DOCK4: variants seen among roughly 807,000 people sequenced by gnomAD.
DOCK4 encodes dedicator of cytokinesis protein 4.
Under a neutral mutation model 268.1 loss-of-function variants are expected in DOCK4, and 97 were observed. The observed-to-expected ratio is 0.36, with a 90% CI of 0.31 to 0.43. The LOEUF is 0.43. Among genes scored for constraint, DOCK4 ranks in the 20% least tolerant of loss-of-function variants. The pLI is 1.00. For synonymous variants in DOCK4, 954 were observed against 887.2 expected (o/e 1.08, Z -1.34); for missense variants, 2,145 against 2,455.7 (o/e 0.87, Z 2.67).
At chr7:112,154,738 A>G (rs893812017) in intron 1 of DOCK4, among the ~76,000 whole-genome samples, 2 of 152,192 alleles carry the variant, frequency 1.3e-5, no homozygotes, top group Non-Finnish European at 2.9e-5. Context: ...AGCCCATGGC[A>G]TCAAGACTTC....
At position 111,945,819 on chromosome 7, in the gene DOCK4, A is replaced by G. The variant is rs146502651; in HGVS notation, c.702-21T>C. ...TCTCACTACAAGAGAAAAAATGTTT[A>G]ACAATTTGAAAATTATTTAATAGTT... On this transcript the variant is annotated intron_variant, in intron 8 of 52. Transcript: ENST00000428084. The G allele has an allele frequency of 7.1e-4, 1,085 of 1,538,064 alleles. 11 individuals carry two copies. The African/African-American group carries it at 0.013, about 18-fold the overall frequency.
In DOCK4 at chr7:111,767,083, A is replaced by G; in HGVS notation, c.3864T>C (p.Ile1288=). ...CATAATAACTCTCATACTGCTCTGC[A>G]ATCTTCCGGCACAAGATAATGCCAT... is the stretch of plus-strand genomic sequence containing the variant. ...WENGIILCRK[I]AEQYESYYDY... The change falls in exon 38 of 53, where the codon ATT becomes ATC. Residue 1288 remains isoleucine (I), a synonymous_variant. Coordinates refer to ENST00000428084, the MANE Select transcript of DOCK4 (RefSeq NM_001363540.2). 3.7e-6 allele frequency: 6 copies of G among 1,613,834 alleles called. No homozygotes were observed. Among genetic ancestry groups the G allele is most frequent in the Non-Finnish European group, 5.1e-6 (6 of 1,179,842 alleles).
intron 26 of DOCK4, among the ~76,000 whole-genome samples, chr7:111,829,093 A>C (rs905613149): frequency 5.9e-5 from 9 of 152,036 alleles, no homozygotes; most frequent in Non-Finnish European, 1.2e-4. Context: ...ATTTCCCATT[A>C]AATATCACCC....
intron 36 of DOCK4, among the ~76,000 whole-genome samples, chr7:111,772,846 C>G (rs1798210262): frequency 6.6e-6 from 1 of 152,094 alleles, no homozygotes; most frequent in Non-Finnish European, 1.5e-5. Flanking sequence ...ATGAAGGTCT[C>G]CAGTCTCCAA....
intron 1 of DOCK4, among the ~76,000 whole-genome samples, chr7:112,101,776 T>A (rs1810700372): frequency 6.6e-6 from 1 of 152,222 alleles, no homozygotes; most frequent in Non-Finnish European, 1.5e-5. Flanking sequence ...ATAGTCTTTT[T>A]TTGCTCGGCC....
intron 35 of DOCK4, 66 bp from the exon 36 acceptor site, chr7:111,778,435 A>G: frequency 9.9e-7 from 1 of 1,012,768 alleles, no homozygotes. Context: ...TCTGCCTTTT[A>G]CTCTGCTAAA....
chr7:112,038,031 A>T (rs1457886310), intron 1 of DOCK4, among the ~76,000 whole-genome samples: 1 of 152,236 alleles, frequency 6.6e-6, no homozygotes, highest in African/African-American at 2.4e-5. Flanking sequence ...TATTAAATGT[A>T]AAGGTTTAAA....
At chr7:112,202,399 T>C (rs914268348) in intron 1 of DOCK4, among the ~76,000 whole-genome samples, 1 of 152,228 alleles carries the variant, frequency 6.6e-6, no homozygotes. Flanking sequence ...TGGGAGGTGA[T>C]ATCCACAGAA....
intron 1 of DOCK4, among the ~76,000 whole-genome samples, chr7:112,129,550 ATATAGTC>A (rs1200022439): frequency 6.6e-6 from 1 of 152,218 alleles, no homozygotes; most frequent in Non-Finnish European, 1.5e-5. Context: ...TGAACAAGCC[ATATAGTC>A]TAACTTAACA....
At position 111,941,264 on chromosome 7, in the gene DOCK4, G is replaced by C. The variant is rs112671270; in HGVS notation, c.845-1022C>G. Reference sequence around the variant, plus strand: ...AGAATTTAAAATATCAGGTTGTCATGACCTGATGCCATATGTATGGCCAAA... The same window carrying C: ...AGAATTTAAAATATCAGGTTGTCATCACCTGATGCCATATGTATGGCCAAA... On this transcript the variant is annotated intron_variant, in intron 10 of 52. Coordinates refer to ENST00000428084, the MANE Select transcript of DOCK4 (RefSeq NM_001363540.2). Among the ~76,000 whole-genome samples, 602 of 152,238 alleles carry C rather than the reference G, an allele frequency of 4.0e-3. 6 individuals carry two copies. Among genetic ancestry groups the C allele is most frequent in the African/African-American group, 0.013 (552 of 41,550 alleles).
At chr7:111,975,423 G>A (rs531638330) in intron 8 of DOCK4, among the ~76,000 whole-genome samples, 87 of 152,234 alleles carry the variant, frequency 5.7e-4, no homozygotes, top group African/African-American at 7.2e-4. Flanking sequence ...TAAACTACCC[G>A]TAAACCAGAC....
At chr7:112,016,784 G>A (rs141024555) in intron 1 of DOCK4, among the ~76,000 whole-genome samples, 197 of 152,222 alleles carry the variant, frequency 1.3e-3, no homozygotes, top group African/African-American at 4.4e-3. Context: ...TATATCAGGT[G>A]AAATTTCAAG....
At chr7:112,120,066 C>G (rs1276671378) in intron 1 of DOCK4, among the ~76,000 whole-genome samples, 3 of 152,128 alleles carry the variant, frequency 2.0e-5, no homozygotes, top group Non-Finnish European at 4.4e-5. Context: ...CCAGGATGGT[C>G]TCGATCTCCT....
At chr7:112,201,169 A>T (rs1820902255) in intron 1 of DOCK4, among the ~76,000 whole-genome samples, 2 of 152,206 alleles carry the variant, frequency 1.3e-5, no homozygotes, top group African/African-American at 4.8e-5. Context: ...CTATGATTAA[A>T]GCATCTTTCT....
intron 26 of DOCK4, among the ~76,000 whole-genome samples, chr7:111,832,156 C>G (rs983246487): frequency 1.3e-5 from 2 of 152,184 alleles, no homozygotes; most frequent in Admixed American, 6.5e-5. Context: ...CTGTGTCAGT[C>G]GGGGCATTCA....
Position 111,916,980 on chromosome 7 carries a change from G to GTTTT in DOCK4, c.1067-1080_1067-1077dup, listed in dbSNP as rs749349556. 8.8e-4 allele frequency among the ~76,000 whole-genome samples: 74 copies of GTTTT among 83,972 alleles called. 2 individuals carry two copies. The highest frequency in any genetic ancestry group is 1.3e-3 in the African/African-American group (25 of 19,258). The allele number at this position is 83,972 out of a possible 152,430, so 55.1% of individuals were successfully genotyped here. A position where few individuals can be genotyped will look rare whatever the true frequency, so the allele number is the denominator to read the frequency against. ...ACCCACCTCCCACCCTTTCCCCCAT[G>GTTTT]TTTTTTTTTTTTTTTTTTTTTTTTT... On this transcript the variant is annotated intron_variant, in intron 12 of 52. Coordinates refer to ENST00000428084, the MANE Select transcript of DOCK4 (RefSeq NM_001363540.2).
At chr7:112,038,892 ACATATTAGAC>A (rs1261864294) in intron 1 of DOCK4, among the ~76,000 whole-genome samples, 1 of 152,214 alleles carries the variant, frequency 6.6e-6, no homozygotes, top group Non-Finnish European at 1.5e-5. Flanking sequence ...TAAAAAGGCA[ACATATTAGAC>A]CAATGTCGCT....
chr7:111,971,714 G>T, intron 8 of DOCK4: 1 of 309,872 alleles, frequency 3.2e-6, no homozygotes, highest in Non-Finnish European at 5.5e-6. Flanking sequence ...GTACTTGTGG[G>T]CCAGCTTATG....
chr7:111,758,678 G>T lies in DOCK4; in HGVS notation c.4275C>A (p.Phe1425Leu). The T allele has an allele frequency of 6.2e-7, 1 of 1,613,964 alleles. No homozygotes were observed. Among genetic ancestry groups the T allele is most frequent in the Non-Finnish European group, 8.5e-7 (1 of 1,179,880 alleles). ...CTTTGTGAAATGGTCGGTCATAGCG[G>T]AATTTCCAGATGTGATTCACTTTAT... The part of the protein sequence containing the change: ...SFYKVNHIWK[F>L]RYDRPFHKGT... Residue 1425 changes from phenylalanine to leucine, a missense_variant, in exon 41 of 53, where the codon TTC (phenylalanine) becomes TTA (leucine). Coordinates refer to ENST00000428084, the MANE Select transcript of DOCK4 (RefSeq NM_001363540.2).
Sources: gnomAD v4.1 joint callset for allele counts (sites outside exome capture counted in the v4.1 genomes callset) on GRCh38, gnomAD v4.1.1 for gene constraint, MANE v1.5 for transcripts, NCBI Gene and HGNC (gene_info 2026-07-23, HGNC 2026-07-21) for gene names.